IMMP2L: variants seen among roughly 807,000 people sequenced by gnomAD.
The protein encoded by IMMP2L is mitochondrial inner membrane protease subunit 2.
A neutral mutation model predicts 19.3 loss-of-function variants in IMMP2L; 18 were observed. That is an observed-to-expected ratio of 0.93 (90% CI 0.64 to 1.38). IMMP2L has a LOEUF of 1.38. IMMP2L is among the 40% of genes most tolerant of loss of function. The probability of loss-of-function intolerance (pLI) is 0.00; values close to 1 mark genes in which losing one functional copy is unlikely to be tolerated. For missense variants in IMMP2L, 233 were observed against 218.2 expected, an observed-to-expected ratio of 1.07 and a Z score of -0.43; for synonymous variants, 76 against 73.0, an observed-to-expected ratio of 1.04 and a Z score of -0.21.
At chr7:110,884,759 C>T (rs899709981) in intron 5 of IMMP2L, among the ~76,000 whole-genome samples, 3 of 151,960 alleles carry the variant, frequency 2.0e-5, no homozygotes, top group African/African-American at 7.2e-5. Context: ...GTTTATTTCA[C>T]CTTTAGTATA....
chr7:111,331,002 T>C (rs37636), intron 3 of IMMP2L, among the ~76,000 whole-genome samples: 14,296 of 151,916 alleles, frequency 0.094, 735 homozygotes, highest in African/African-American at 0.12. Flanking sequence ...GTATATCGAT[T>C]ATGAAAAACT....
chr7:110,798,702 A>G (rs566949618), intron 5 of IMMP2L, among the ~76,000 whole-genome samples: 1 of 152,086 alleles, frequency 6.6e-6, no homozygotes, highest in African/African-American at 2.4e-5. Context: ...GGTGACTTCA[A>G]TTGAACATTA....
intron 3 of IMMP2L, among the ~76,000 whole-genome samples, chr7:111,097,615 A>G (rs1797540408): frequency 6.6e-6 from 1 of 151,928 alleles, no homozygotes; most frequent in Non-Finnish European, 1.5e-5. Context: ...AAAAATAGAC[A>G]TGTATTTTTC....
chr7:111,040,302 T>C (rs567601409), intron 3 of IMMP2L, among the ~76,000 whole-genome samples: 10 of 152,332 alleles, frequency 6.6e-5, no homozygotes, highest in Admixed American at 6.5e-4. Context: ...TAAATAGATA[T>C]GGAGTTGCCA....
intron 4 of IMMP2L, among the ~76,000 whole-genome samples, chr7:110,925,740 T>A (rs990147184): frequency 1.6e-4 from 24 of 152,094 alleles, no homozygotes; most frequent in African/African-American, 5.8e-4. Context: ...AGACTGCTCA[T>A]GTGTACACTA....
At chr7:111,336,728 A>G (rs1295846258) in intron 3 of IMMP2L, among the ~76,000 whole-genome samples, 1 of 152,076 alleles carries the variant, frequency 6.6e-6, no homozygotes, top group African/African-American at 2.4e-5. Flanking sequence ...TTCATAATAA[A>G]GCACACTTAT....
At chr7:111,198,377 G>GCAAGT in intron 3 of IMMP2L, among the ~76,000 whole-genome samples, 1 of 152,044 alleles carries the variant, frequency 6.6e-6, no homozygotes, top group Non-Finnish European at 1.5e-5. Context: ...GTGACTTTAA[G>GCAAGT]CAAGTTCTGA....
At chr7:111,543,947 A>C (rs1330378858) in intron 1 of IMMP2L, among the ~76,000 whole-genome samples, 2 of 152,186 alleles carry the variant, frequency 1.3e-5, no homozygotes, top group African/African-American at 4.8e-5. Flanking sequence ...AGGTGTGGAC[A>C]GTGTCCATCT....
chr7:111,521,173 C>T, intron 2 of IMMP2L, 140 bp downstream of exon 2: 2 of 882,614 alleles, frequency 2.3e-6, no homozygotes, highest in Non-Finnish European at 3.4e-6. Flanking sequence ...AGAACAAATT[C>T]AGTAAAGTAA....
chr7:111,412,203 A>G (rs1029323055), intron 3 of IMMP2L, among the ~76,000 whole-genome samples: 2 of 151,880 alleles, frequency 1.3e-5, no homozygotes, highest in African/African-American at 2.4e-5. Flanking sequence ...AAAGAAACCC[A>G]TAATAATAGC....
intron 3 of IMMP2L, among the ~76,000 whole-genome samples, chr7:111,200,182 AT>A (rs1330261535): frequency 2.6e-5 from 4 of 152,108 alleles, no homozygotes; most frequent in Admixed American, 2.6e-4. Flanking sequence ...ACTTTTCTGT[AT>A]CCTTTCTGCC....
intron 2 of IMMP2L, among the ~76,000 whole-genome samples, chr7:111,517,201 T>C (rs1305844531): frequency 2.0e-5 from 3 of 151,928 alleles, no homozygotes; most frequent in African/African-American, 4.8e-5. Flanking sequence ...TAATCACAGG[T>C]AGCTGAAAGT....
At chr7:111,218,837 T>A (rs1331042940) in intron 3 of IMMP2L, among the ~76,000 whole-genome samples, 1 of 152,092 alleles carries the variant, frequency 6.6e-6, no homozygotes, top group African/African-American at 2.4e-5. Flanking sequence ...AGCCCCTGAC[T>A]ACAGCCAGTT....
At chr7:110,953,593 AGTCTTT>A (rs1818054683) in intron 4 of IMMP2L, among the ~76,000 whole-genome samples, 1 of 152,064 alleles carries the variant, frequency 6.6e-6, no homozygotes, top group Non-Finnish European at 1.5e-5. Context: ...GTTGGTTCCA[AGTCTTT>A]GCTATTGTAA....
chr7:110,929,415 C>T (rs1042949592), intron 4 of IMMP2L, among the ~76,000 whole-genome samples: 6 of 152,216 alleles, frequency 3.9e-5, no homozygotes, highest in South Asian at 4.1e-4. Flanking sequence ...ACTCATTATC[C>T]TTGGGATAGT....
intron 3 of IMMP2L, among the ~76,000 whole-genome samples, chr7:110,984,533 C>T (rs1821653472): frequency 6.6e-6 from 1 of 151,992 alleles, no homozygotes. Flanking sequence ...GTAATAGGGA[C>T]TAAATTTGAA....
intron 3 of IMMP2L, among the ~76,000 whole-genome samples, chr7:110,971,766 G>T (rs909994824): frequency 6.6e-6 from 1 of 152,010 alleles, no homozygotes; most frequent in African/African-American, 2.4e-5. Context: ...CTGAAAATTT[G>T]TATCCATTCC....
At chr7:111,022,271 A>G (rs1456109899) in intron 3 of IMMP2L, among the ~76,000 whole-genome samples, 1 of 152,192 alleles carries the variant, frequency 6.6e-6, no homozygotes, top group Non-Finnish European at 1.5e-5. Context: ...GAGTGAATGC[A>G]GGCTGGGCAT....
intron 3 of IMMP2L, among the ~76,000 whole-genome samples, chr7:111,260,883 G>A (rs191244642): frequency 1.3e-4 from 20 of 152,152 alleles, no homozygotes; most frequent in Non-Finnish European, 2.8e-4. Context: ...AATTAAATCA[G>A]TAGATAAATG....
Sources: allele counts gnomAD v4.1 joint callset (sites outside exome capture counted in the v4.1 genomes callset), GRCh38; gene constraint gnomAD v4.1.1; transcripts MANE v1.5; gene names NCBI Gene and HGNC (gene_info 2026-07-23, HGNC 2026-07-21).